The following SECISBP2L variants were observed in gnomAD, a reference collection of about 807,000 sequenced individuals.
The protein encoded by SECISBP2L is selenocysteine insertion sequence-binding protein 2-like.
In SECISBP2L, 43 loss-of-function variants were observed where a neutral mutation model predicts 114.7. The observed-to-expected ratio is 0.38, with a 90% CI of 0.29 to 0.48. The LOEUF (loss-of-function observed/expected upper bound fraction) is 0.48, where lower values mean the gene tolerates loss of function less well. Ranked by LOEUF, SECISBP2L falls within the 20% of genes least tolerant of loss-of-function variation. The probability of loss-of-function intolerance (pLI) is 0.98; values close to 1 mark genes in which losing one functional copy is unlikely to be tolerated. For synonymous variants in SECISBP2L, 451 were observed against 439.7 expected, an observed-to-expected ratio of 1.03 and a Z score of -0.32; for missense variants, 1,136 against 1,301.1, an observed-to-expected ratio of 0.87 and a Z score of 1.95.
chr15:49,009,476 G>C lies in SECISBP2L; in HGVS notation c.1865-98C>G, dbSNP rs918842722. On this transcript the variant is annotated intron_variant, in intron 13 of 17. Transcript: ENST00000559471. ...AATTTAGAATGGCCATTGTCTTTTG[G>C]GTCATTTCCAAATTTTCCAGAAGCT... 38 of 1,245,712 alleles carry C rather than the reference G, an allele frequency of 3.1e-5. No homozygotes were observed. The African/African-American group carries it at 4.8e-4, about 16-fold the overall frequency. The allele number at this position is 1,245,712 out of a possible 1,614,324, so 77.2% of individuals were successfully genotyped here.
intron 17 of SECISBP2L, among the ~76,000 whole-genome samples, chr15:48,995,718 A>C (rs1003212064): frequency 1.3e-5 from 2 of 152,214 alleles, no homozygotes; most frequent in African/African-American, 4.8e-5. Flanking sequence ...GAAACTACTG[A>C]GATGTAGACT....
chr15:49,016,423 AAC>A (rs1238339233), intron 11 of SECISBP2L, 135 bp downstream of exon 11: 14 of 705,702 alleles, frequency 2.0e-5, no homozygotes, highest in South Asian at 3.7e-5. Flanking sequence ...CACACACACA[AAC>A]ACACATACAT....
rs1421878762 is a variant in SECISBP2L at position 48,991,148 on chromosome 15, TTCC to T, written c.*1093_*1095del. ...ACAACTTTCTCTTATCTTCTAAAAC[TTCC>T]TCCTCTAAGCCTTGATTATCAGGAT... On this transcript the variant is annotated 3_prime_UTR_variant, in exon 18 of 18. Transcript: ENST00000559471. 1.3e-5 allele frequency: 2 copies of T among 152,336 alleles called. No individual in the cohort carries two copies. Among genetic ancestry groups the T allele is most frequent in the African/African-American group, 4.8e-5 (2 of 41,578 alleles). The allele number at this position is 152,336 out of a possible 1,614,324, so 9.4% of individuals were successfully genotyped here.
intron 1 of SECISBP2L, 147 bp downstream of exon 1, chr15:49,046,129 G>A: frequency 1.2e-6 from 1 of 849,260 alleles, no homozygotes; most frequent in Non-Finnish European, 1.8e-6. Flanking sequence ...CAATGAAGGA[G>A]AGCTGGGAGC....
chr15:49,030,643 T>C (rs1034603057), intron 4 of SECISBP2L, among the ~76,000 whole-genome samples: 20 of 152,252 alleles, frequency 1.3e-4, no homozygotes, highest in African/African-American at 4.8e-4. Context: ...AATAGTTCCC[T>C]CCCTGCAGTC....
At chr15:49,000,047 A>G in intron 15 of SECISBP2L, 60 bp from the exon 16 acceptor site, 3 of 1,561,188 alleles carry the variant, frequency 1.9e-6, no homozygotes, top group Non-Finnish European at 2.6e-6. Flanking sequence ...CTAATTGCAC[A>G]CCCGATAGCT....
intron 4 of SECISBP2L, among the ~76,000 whole-genome samples, chr15:49,032,217 CT>C (rs1902904058): frequency 6.6e-6 from 1 of 152,166 alleles, no homozygotes; most frequent in Non-Finnish European, 1.5e-5. Context: ...CTAATTCTGC[CT>C]TTGAACAGAT....
At chr15:49,001,196 G>A (rs1221516152) in intron 14 of SECISBP2L, 99 bp from the exon 15 acceptor site, 1 of 747,642 alleles carries the variant, frequency 1.3e-6, no homozygotes, top group Non-Finnish European at 2.1e-6. Context: ...AATATATATG[G>A]TAAGAAGTTT....
At chr15:49,014,811 T>A (rs1200633172) in intron 11 of SECISBP2L, among the ~76,000 whole-genome samples, 2 of 148,498 alleles carry the variant, frequency 1.3e-5, no homozygotes, top group African/African-American at 4.9e-5. Context: ...TAAATGTTTG[T>A]TTATGTATAT....
At chr15:49,030,179 C>T (rs1342263777) in intron 4 of SECISBP2L, among the ~76,000 whole-genome samples, 3 of 152,142 alleles carry the variant, frequency 2.0e-5, no homozygotes, top group African/African-American at 4.8e-5. Context: ...AATATGATGT[C>T]ATGTCATGAC....
chr15:49,043,421 T>C (rs914557936), intron 1 of SECISBP2L, among the ~76,000 whole-genome samples: 4 of 152,148 alleles, frequency 2.6e-5, no homozygotes, highest in South Asian at 2.1e-4. Context: ...GTTAATGTAC[T>C]AAAAATTAAG....
At chr15:49,028,053 TGCAG>T in intron 6 of SECISBP2L, 87 bp downstream of exon 6, 1 of 1,154,374 alleles carries the variant, frequency 8.7e-7, no homozygotes, top group Admixed American at 2.8e-5. Flanking sequence ...AAGTTTTTTT[TGCAG>T]TATCAGCAAG....
chr15:49,027,996 C>A, intron 6 of SECISBP2L, 148 bp downstream of exon 6: 1 of 728,376 alleles, frequency 1.4e-6, no homozygotes, highest in Non-Finnish European at 2.3e-6. Context: ...TCAAGCTGAT[C>A]AGCAAAACTG....
chr15:49,031,810 AAAT>A (rs1447566535), intron 4 of SECISBP2L, among the ~76,000 whole-genome samples: 1 of 152,192 alleles, frequency 6.6e-6, no homozygotes, highest in Non-Finnish European at 1.5e-5. Context: ...TTTGTGGTTA[AAAT>A]AATAAGCAAC....
chr15:49,006,013 G>A (rs909099492), intron 14 of SECISBP2L, among the ~76,000 whole-genome samples: 1 of 152,108 alleles, frequency 6.6e-6, no homozygotes, highest in Non-Finnish European at 1.5e-5. Context: ...TGTTTATGAA[G>A]CTTAGTTTGG....
At chr15:49,013,360 G>C (rs1297950998) in intron 11 of SECISBP2L, among the ~76,000 whole-genome samples, 1 of 152,066 alleles carries the variant, frequency 6.6e-6, no homozygotes, top group Non-Finnish European at 1.5e-5. Flanking sequence ...GCAGTGGCAC[G>C]ATCTCGGCTC....
chr15:49,016,952 A>C lies in SECISBP2L; in HGVS notation c.1315T>G (p.Ser439Ala). 1 of 1,613,992 alleles carries C rather than the reference A, an allele frequency of 6.2e-7. No homozygotes were observed. ...IVQTPIPITTSVPKRAKSQKK... is the reference protein window; with the variant it reads ...IVQTPIPITTAVPKRAKSQKK... ...TGACTTTTTGCACGTTTGGGAACTG[A>C]GGTGGTAATAGGAATTGGAGTCTGA... The change falls in exon 10 of 18, where the codon TCA becomes GCA. Residue 439 changes from serine to alanine, a missense_variant. Transcript: ENST00000559471.
intron 11 of SECISBP2L, among the ~76,000 whole-genome samples, chr15:49,015,404 G>T (rs1160181547): frequency 6.6e-6 from 1 of 152,132 alleles, no homozygotes; most frequent in East Asian, 1.9e-4. Context: ...AACAGAGGTT[G>T]ATAGTGGATT....
chr15:49,033,424 T>C (rs1902938595), intron 3 of SECISBP2L, among the ~76,000 whole-genome samples: 1 of 152,202 alleles, frequency 6.6e-6, no homozygotes, highest in South Asian at 2.1e-4. Flanking sequence ...AATAATGTCA[T>C]ACAAGGGGTT....
Sources: gnomAD v4.1 joint callset for allele counts (sites outside exome capture counted in the v4.1 genomes callset) on GRCh38, gnomAD v4.1.1 for gene constraint, MANE v1.5 for transcripts, NCBI Gene and HGNC (gene_info 2026-07-23, HGNC 2026-07-21) for gene names.